The following FARP1 variants were observed in gnomAD, a reference collection of about 807,000 sequenced individuals.
The protein encoded by FARP1 is FERM, ARH/RhoGEF and pleckstrin domain protein 1.
Under a neutral mutation model 128.8 loss-of-function variants are expected in FARP1, and 52 were observed. That is an observed-to-expected ratio of 0.40 (90% CI 0.32 to 0.51). The LOEUF is 0.51. Ranked by LOEUF, FARP1 falls within the 20% of genes least tolerant of loss-of-function variation. FARP1 has a pLI of 0.45. For synonymous variants in FARP1, 580 were observed against 551.8 expected, an observed-to-expected ratio of 1.05 and a Z score of -0.72; for missense variants, 1,333 against 1,367.9, an observed-to-expected ratio of 0.97 and a Z score of 0.40.
chr13:98,242,943 C>A lies in FARP1; in HGVS notation c.171+29530C>A, dbSNP rs1391822896. ...GAACTTAGGTTGTAGGCATTTAGCT[C>A]AGAGAAAGGGGAAAAGGTACTTTCA... is the stretch of plus-strand genomic sequence containing the variant. On this transcript the variant is annotated intron_variant, in intron 2 of 26. Coordinates refer to ENST00000319562, the MANE Select transcript of FARP1 (RefSeq NM_005766.4). Among the ~76,000 whole-genome samples, 4 of 152,272 alleles carry A rather than the reference C, an allele frequency of 2.6e-5. No individual in the cohort carries two copies. In the South Asian group the frequency reaches 6.2e-4, roughly 24 times the overall value.
chr13:98,433,075 A>AG (rs1272049484), intron 18 of FARP1: 2 of 152,278 alleles, frequency 1.3e-5, no homozygotes, highest in African/African-American at 4.8e-5. Flanking sequence ...TCAGGTTCAG[A>AG]GGGGACAGAG....
At chr13:98,253,208 C>T (rs1312000436) in intron 2 of FARP1, among the ~76,000 whole-genome samples, 1 of 152,210 alleles carries the variant, frequency 6.6e-6, no homozygotes, top group Non-Finnish European at 1.5e-5. Context: ...TAATCTGAAG[C>T]ATTAAGGAAT....
intron 26 of FARP1, chr13:98,447,064 G>T (rs1892892051): frequency 2.1e-6 from 1 of 480,304 alleles, no homozygotes; most frequent in Non-Finnish European, 3.8e-6. Flanking sequence ...CTTGCTTGGA[G>T]ATCTCTGACA....
At chr13:98,343,273 T>C (rs1249665122) in intron 2 of FARP1, among the ~76,000 whole-genome samples, 1 of 152,186 alleles carries the variant, frequency 6.6e-6, no homozygotes, top group Non-Finnish European at 1.5e-5. Context: ...TTCTGTATGA[T>C]GCTGTAATGC....
intron 3 of FARP1, among the ~76,000 whole-genome samples, chr13:98,364,457 C>A (rs1889000568): frequency 1.3e-5 from 2 of 152,188 alleles, no homozygotes; most frequent in Non-Finnish European, 2.9e-5. Flanking sequence ...CAACAGTTTT[C>A]TGTTAGCTGT....
chr13:98,174,221 G>C (rs536968253), intron 1 of FARP1, among the ~76,000 whole-genome samples: 25 of 152,250 alleles, frequency 1.6e-4, no homozygotes, highest in South Asian at 1.5e-3. Flanking sequence ...GATTGATTAT[G>C]AACCTTATTC....
intron 13 of FARP1, chr13:98,406,883 C>T (rs1594499661): frequency 6.6e-6 from 1 of 152,464 alleles, no homozygotes; most frequent in African/African-American, 2.4e-5. Context: ...CAAGGGTGCT[C>T]GCTGTTGGCC....
chr13:98,283,959 T>C (rs1024875752), intron 2 of FARP1, among the ~76,000 whole-genome samples: 2 of 152,244 alleles, frequency 1.3e-5, no homozygotes, highest in African/African-American at 4.8e-5. Flanking sequence ...CAGCAACATA[T>C]AGTGATTTCA....
At chr13:98,188,275 C>G (rs367709738) in intron 1 of FARP1, among the ~76,000 whole-genome samples, 2 of 152,042 alleles carry the variant, frequency 1.3e-5, no homozygotes, top group South Asian at 2.1e-4. Context: ...AGTTTCAGGC[C>G]GGGTGCGGTG....
intron 2 of FARP1, among the ~76,000 whole-genome samples, chr13:98,243,882 C>A (rs1368582678): frequency 5.9e-5 from 9 of 152,002 alleles, no homozygotes; most frequent in Non-Finnish European, 1.2e-4. Context: ...TTACTCCCTG[C>A]TGTACATGTG....
chr13:98,386,027 A>G (rs1024985486), intron 8 of FARP1: 1 of 538,044 alleles, frequency 1.9e-6, no homozygotes, highest in Non-Finnish European at 3.3e-6. Flanking sequence ...GGGAATCCAC[A>G]TTACAGATTT....
intron 4 of FARP1, among the ~76,000 whole-genome samples, chr13:98,366,674 G>A (rs1889099263): frequency 6.6e-6 from 1 of 152,232 alleles, no homozygotes; most frequent in South Asian, 2.1e-4. Flanking sequence ...TTGAGTGCTA[G>A]CATCTTCCTA....
At chr13:98,432,785 G>A (rs1282362569) in intron 18 of FARP1, 1 of 108,112 alleles carries the variant, frequency 9.2e-6, no homozygotes, top group Non-Finnish European at 2.0e-5. Context: ...GGGCGTGTGA[G>A]GGAGAAGGAA....
intron 3 of FARP1, among the ~76,000 whole-genome samples, chr13:98,354,727 C>A (rs923470993): frequency 6.6e-6 from 1 of 152,154 alleles, no homozygotes; most frequent in Admixed American, 6.6e-5. Context: ...CAGTTTTATT[C>A]ATAACTCCAA....
intron 2 of FARP1, among the ~76,000 whole-genome samples, chr13:98,245,920 C>T (rs1883025296): frequency 6.6e-6 from 1 of 151,008 alleles, no homozygotes; most frequent in African/African-American, 2.4e-5. Flanking sequence ...AGATGCACGC[C>T]GCCACGCCAC....
intron 2 of FARP1, among the ~76,000 whole-genome samples, chr13:98,260,043 A>G (rs1160681169): frequency 2.0e-5 from 3 of 152,122 alleles, no homozygotes; most frequent in Non-Finnish European, 2.9e-5. Context: ...GCTCTGGACT[A>G]TATTAAATGT....
rs11840259 is a variant in FARP1, at chr13:98,448,849, T to C, written c.*532T>C. On this transcript the variant is annotated 3_prime_UTR_variant, in exon 27 of 27. Transcript: ENST00000319562. The stretch of plus-strand genomic sequence containing the variant: ...TACTTTTGTAATAATAGGAAGTTAG[T>C]AGGACTCACTTCTCTGATTAATAAG... 6.6e-6 allele frequency: 1 copy of C among 152,534 alleles called. No homozygotes were observed. The highest frequency in any genetic ancestry group is 2.1e-4 in the South Asian group (1 of 4,848). 9.4% of individuals were successfully genotyped at this position (152,534 alleles called of 1,614,324 possible). A position where few individuals can be genotyped will look rare whatever the true frequency, so the allele number is the denominator to read the frequency against.
intron 2 of FARP1, among the ~76,000 whole-genome samples, chr13:98,266,493 G>A (rs1884121741): frequency 2.0e-5 from 3 of 152,100 alleles, no homozygotes; most frequent in Admixed American, 2.0e-4. Flanking sequence ...CTCCTATCAG[G>A]CCTGATCACC....
rs559245419 is a variant in FARP1 at position 98,384,844 on chromosome 13, T to C, written c.611T>C (p.Ile204Thr). 14 of 1,583,608 alleles carry C rather than the reference T, an allele frequency of 8.8e-6. No individual in the cohort carries two copies. The highest frequency in any genetic ancestry group is 1.7e-4 in the Middle Eastern group (1 of 6,026). The change falls in exon 7 of 27, where the codon ATT becomes ACT. Residue 204 changes from isoleucine to threonine, a missense_variant and splice_region_variant. This residue lies in a region of FARP1 where 324 missense variants were observed against 398.1 expected (regional missense o/e 0.81). Coordinates refer to ENST00000319562, the MANE Select transcript of FARP1 (RefSeq NM_005766.4). ...DKIVEFHHNHIGQTPAESDFQ... is the reference protein window; with the variant it reads ...DKIVEFHHNHTGQTPAESDFQ... ...ATCGTGGAATTTCACCATAACCACATGTAAGTCTCATTCTTGGCTTCATAT... is the reference window on the plus strand; with the variant it reads ...ATCGTGGAATTTCACCATAACCACACGTAAGTCTCATTCTTGGCTTCATAT...
Sources: allele counts gnomAD v4.1 joint callset (sites outside exome capture counted in the v4.1 genomes callset), GRCh38; gene constraint gnomAD v4.1.1; regional missense constraint gnomAD v4.1.1; transcripts MANE v1.5; gene names NCBI Gene and HGNC (gene_info 2026-07-23, HGNC 2026-07-21).